Variants in APPBP2 observed in about 807,000 individuals in gnomAD.
APPBP2 encodes amyloid protein-binding protein 2.
In APPBP2, 15 loss-of-function variants were observed where a neutral mutation model predicts 76.0. That is an observed-to-expected ratio of 0.20 (90% CI 0.13 to 0.30). The LOEUF is 0.30. APPBP2 is among the 10% of genes least tolerant of loss of function. The probability of loss-of-function intolerance (pLI) is 1.00; values close to 1 mark genes in which losing one functional copy is unlikely to be tolerated. For synonymous variants in APPBP2, 222 were observed against 242.2 expected (o/e 0.92, Z 0.77); for missense variants, 401 against 687.2 (o/e 0.58, Z 4.66).
chr17:60,474,404 C>T (rs1416528272), intron 4 of APPBP2, among the ~76,000 whole-genome samples: 1 of 151,986 alleles, frequency 6.6e-6, no homozygotes, highest in Non-Finnish European at 1.5e-5. Context: ...GAACTCCTGA[C>T]CTTAGGTGAT....
In APPBP2 at chr17:60,497,542, A is replaced by G. The variant is rs372497648; in HGVS notation, c.227+2857T>C. ...AGAATAAATGCTTGAGGTGATGAAC[A>G]CCTCATTTATCTTGATGTGATTATT... On this transcript the variant is annotated intron_variant, in intron 2 of 12. Coordinates refer to ENST00000083182, the MANE Select transcript of APPBP2 (RefSeq NM_006380.5). Among the ~76,000 whole-genome samples the G allele has an allele frequency of 1.5e-3, 228 of 152,282 alleles. 1 individual carries two copies. The highest frequency in any genetic ancestry group is 5.0e-3 in the African/African-American group (206 of 41,550).
intron 1 of APPBP2, among the ~76,000 whole-genome samples, chr17:60,506,829 A>T (rs1456753491): frequency 6.6e-6 from 1 of 152,212 alleles, no homozygotes; most frequent in African/African-American, 2.4e-5. Flanking sequence ...CGAGGTCAAG[A>T]GATCGAGACC....
chr17:60,445,694 T>C lies in APPBP2; in HGVS notation c.*1887A>G, dbSNP rs972782916. 3.9e-5 allele frequency: 6 copies of C among 151,924 alleles called. No individual in the cohort carries two copies. Among genetic ancestry groups the C allele is most frequent in the African/African-American group, 1.5e-4 (6 of 41,330 alleles). The allele number at this position is 151,924 out of a possible 1,614,324, so 9.4% of individuals were successfully genotyped here. A position where few individuals can be genotyped will look rare whatever the true frequency, so the allele number is the denominator to read the frequency against. The stretch of plus-strand genomic sequence containing the variant: ...TTAATAAAGAAGTGCCTCTTGACAT[T>C]AGACTGCAATTAACTGAGGGGTGGG... On this transcript the variant is annotated 3_prime_UTR_variant, in exon 13 of 13. Coordinates refer to ENST00000083182, the MANE Select transcript of APPBP2 (RefSeq NM_006380.5).
chr17:60,479,037 A>G (rs1234536720), intron 4 of APPBP2, 111 bp downstream of exon 4: 18 of 1,064,526 alleles, frequency 1.7e-5, no homozygotes, highest in Admixed American at 5.5e-5. Context: ...TGACATATAA[A>G]TATCATCTCA....
chr17:60,493,217 C>T (rs1480740196), intron 3 of APPBP2, among the ~76,000 whole-genome samples: 1 of 152,042 alleles, frequency 6.6e-6, no homozygotes, highest in African/African-American at 2.4e-5. Context: ...TATAAATTAC[C>T]CAGTCTCGGG....
chr17:60,467,006 C>T (rs2090516290), intron 4 of APPBP2, among the ~76,000 whole-genome samples: 1 of 151,890 alleles, frequency 6.6e-6, no homozygotes, highest in South Asian at 2.1e-4. Context: ...GTTCTTTAAA[C>T]AAATTAACTG....
chr17:60,444,435 GA>G lies in APPBP2; in HGVS notation c.*3145del, dbSNP rs1379538319. On this transcript the variant is annotated 3_prime_UTR_variant, in exon 13 of 13. Transcript: ENST00000083182. ...GCAGTTTTCTGTCTGCACTATTAAG[GA>G]GCAGCCAAATGGCACCTTCATTATT... The G allele has an allele frequency of 6.6e-6, 1 of 151,958 alleles. No homozygotes were observed. The highest frequency in any genetic ancestry group is 2.4e-5 in the African/African-American group (1 of 41,352). The allele number at this position is 151,958 out of a possible 1,614,324, so 9.4% of individuals were successfully genotyped here.
At chr17:60,482,176 C>T (rs113006144) in intron 3 of APPBP2, among the ~76,000 whole-genome samples, 1 of 152,230 alleles carries the variant, frequency 6.6e-6, no homozygotes, top group African/African-American at 2.4e-5. Context: ...CCACCGCGTC[C>T]GGCCGGGTTA....
At chr17:60,494,435 G>C (rs766412869) in intron 3 of APPBP2, 31 bp downstream of exon 3, 1 of 1,594,690 alleles carries the variant, frequency 6.3e-7, no homozygotes, top group Non-Finnish European at 8.5e-7. Context: ...TCCATCACAG[G>C]ACAAAATACT....
intron 12 of APPBP2, among the ~76,000 whole-genome samples, chr17:60,449,299 AAG>A (rs1257717876): frequency 1.3e-5 from 2 of 152,102 alleles, no homozygotes; most frequent in African/African-American, 2.4e-5. Context: ...GAGGGAAAAA[AAG>A]AGTCTTTTGG....
In APPBP2 at chr17:60,485,639, C is replaced by A. The variant is rs536451604; in HGVS notation, c.380-6368G>T. ...GGTCTATCAATTTTGTTGATCTTTT[C>A]AAAAACCCAGCTCCTGGATTCACTG... On this transcript the variant is annotated intron_variant, in intron 3 of 12. Coordinates refer to ENST00000083182, the MANE Select transcript of APPBP2 (RefSeq NM_006380.5). Among the ~76,000 whole-genome samples, 855 of 152,158 alleles carry A rather than the reference C, an allele frequency of 5.6e-3. 8 individuals are homozygous for A. Among genetic ancestry groups the A allele is most frequent in the South Asian group, 0.017 (82 of 4,818 alleles).
chr17:60,471,105 A>T (rs2090549258), intron 4 of APPBP2, among the ~76,000 whole-genome samples: 1 of 151,840 alleles, frequency 6.6e-6, no homozygotes, highest in African/African-American at 2.4e-5. Context: ...CCTCATTTTT[A>T]AATTCTGTTG....
intron 10 of APPBP2, among the ~76,000 whole-genome samples, chr17:60,455,460 C>T (rs9909444): frequency 0.079 from 11,939 of 152,078 alleles, 1,588 homozygotes; most frequent in African/African-American, 0.27. Context: ...CCAACATGCA[C>T]GGAAATAACA....
At chr17:60,473,176 T>C (rs956174076) in intron 4 of APPBP2, among the ~76,000 whole-genome samples, 23 of 152,230 alleles carry the variant, frequency 1.5e-4, no homozygotes, top group African/African-American at 5.3e-4. Context: ...TTTGCTTATA[T>C]CTAGCTTGGT....
chr17:60,468,202 C>T (rs1186532334), intron 4 of APPBP2, among the ~76,000 whole-genome samples: 1 of 151,898 alleles, frequency 6.6e-6, no homozygotes, highest in African/African-American at 2.4e-5. Flanking sequence ...TAATGGCTAC[C>T]ATATGGGACA....
rs185333131 is a variant in APPBP2 at position 60,466,465 on chromosome 17, A to G, written c.504-6T>C. On this transcript the variant is annotated splice_polypyrimidine_tract_variant and splice_region_variant and intron_variant, in intron 4 of 12. Transcript: ENST00000083182. ...CATTTCGCACATGAAGCAACCTATA[A>G]AACACCAATAACATTGCTCTATTTT... 5 of 1,609,504 alleles carry G rather than the reference A, an allele frequency of 3.1e-6. No homozygotes were observed. In the African/African-American group the frequency reaches 5.3e-5, roughly 17 times the overall value.
chr17:60,516,480 T>C (rs1440468215), intron 1 of APPBP2, among the ~76,000 whole-genome samples: 1 of 152,234 alleles, frequency 6.6e-6, no homozygotes, highest in Non-Finnish European at 1.5e-5. Context: ...GAACCTCTGG[T>C]ATATATTCCT....
intron 1 of APPBP2, chr17:60,513,381 T>C: frequency 1.5e-6 from 1 of 666,452 alleles, no homozygotes; most frequent in Non-Finnish European, 2.8e-6. Flanking sequence ...TGAAGACATC[T>C]TTGTTGCCAA....
chr17:60,479,288 C>A lies in APPBP2; in HGVS notation c.380-17G>T. 6.3e-7 allele frequency: 1 copy of A among 1,584,444 alleles called. No homozygotes were observed. The highest frequency in any genetic ancestry group is 8.5e-7 in the Non-Finnish European group (1 of 1,172,140). On this transcript the variant is annotated splice_polypyrimidine_tract_variant and intron_variant, in intron 3 of 12. Coordinates refer to ENST00000083182, the MANE Select transcript of APPBP2 (RefSeq NM_006380.5). ...GAAAGCCACCTAAAAAAATAAGAAA[C>A]ACCAATTTTAGAAAACTTGATAAAT...
Sources: gnomAD v4.1 joint callset for allele counts (sites outside exome capture counted in the v4.1 genomes callset) on GRCh38, gnomAD v4.1.1 for gene constraint, MANE v1.5 for transcripts, NCBI Gene and HGNC (gene_info 2026-07-23, HGNC 2026-07-21) for gene names.